The following IPO9 variants were observed in gnomAD, a reference collection of about 807,000 sequenced individuals.
IPO9 encodes importin 9.
Under a neutral mutation model 128.6 loss-of-function variants are expected in IPO9, and 28 were observed. That is an observed-to-expected ratio of 0.22 (90% CI 0.16 to 0.30). IPO9 has a LOEUF of 0.30. Among genes scored for constraint, IPO9 ranks in the 10% least tolerant of loss-of-function variants. The probability of loss-of-function intolerance (pLI) is 1.00; values close to 1 mark genes in which losing one functional copy is unlikely to be tolerated. For missense variants in IPO9, 935 were observed against 1,293.9 expected, an observed-to-expected ratio of 0.72 and a Z score of 4.26; for synonymous variants, 455 against 475.8, an observed-to-expected ratio of 0.96 and a Z score of 0.57.
Position 201,875,255 on chromosome 1 carries a change from A to T in IPO9, c.3015+27A>T, listed in dbSNP as rs116681957. ...TGAGGGTGTCCAGAGATATCTTGCA[A>T]ATGACAATGTCCCAGGCCATGGAAA... On this transcript the variant is annotated intron_variant, in intron 23 of 23. Coordinates refer to ENST00000361565, the MANE Select transcript of IPO9 (RefSeq NM_018085.5). 5.3e-4 allele frequency: 832 copies of T among 1,582,310 alleles called. 2 individuals are homozygous for T. In the African/African-American group the frequency reaches 9.4e-3, roughly 18 times the overall value.
intron 16 of IPO9, among the ~76,000 whole-genome samples, chr1:201,869,157 A>T (rs528006241): frequency 3.3e-5 from 5 of 152,206 alleles, no homozygotes; most frequent in Non-Finnish European, 7.3e-5. Flanking sequence ...AGGCTGAGGC[A>T]GGAGAATCAC....
intron 21 of IPO9, among the ~76,000 whole-genome samples, 183 bp from the exon 22 acceptor site, chr1:201,874,649 T>C (rs563643744): frequency 1.2e-3 from 187 of 152,310 alleles, no homozygotes; most frequent in African/African-American, 4.4e-3. Flanking sequence ...TCAACACTTA[T>C]ATCTCCAGGT....
In IPO9 at chr1:201,876,250, A is replaced by G. The variant is rs1214464405; in HGVS notation, c.*196A>G. 3 of 698,396 alleles carry G rather than the reference A, an allele frequency of 4.3e-6. No individual in the cohort carries two copies. Among genetic ancestry groups the G allele is most frequent in the Non-Finnish European group, 8.1e-6 (3 of 372,566 alleles). 43.3% of individuals were successfully genotyped at this position (698,396 alleles called of 1,614,324 possible). The stretch of plus-strand genomic sequence containing the variant: ...TCACTTAGGAATGCTGGAACAAAGG[A>G]CATTTCTCAAAGTTCCCCTGAAGAC... On this transcript the variant is annotated 3_prime_UTR_variant, in exon 24 of 24. Transcript: ENST00000361565.
Position 201,876,211 on chromosome 1 carries a change from G to A in IPO9, c.*157G>A. The stretch of plus-strand genomic sequence containing the variant: ...TGACACTGATGACAATTCAGACCAG[G>A]CTCACCGGTGCCGTCACTTAGGAAT... On this transcript the variant is annotated 3_prime_UTR_variant, in exon 24 of 24. Coordinates refer to ENST00000361565, the MANE Select transcript of IPO9 (RefSeq NM_018085.5). 1.4e-6 allele frequency: 1 copy of A among 734,474 alleles called. No homozygotes were observed. The highest frequency in any genetic ancestry group is 2.5e-6 in the Non-Finnish European group (1 of 393,566). 45.5% of individuals were successfully genotyped at this position (734,474 alleles called of 1,614,324 possible). A position where few individuals can be genotyped will look rare whatever the true frequency, so the allele number is the denominator to read the frequency against.
At chr1:201,845,515 ACTG>A (rs1438853829) in intron 1 of IPO9, among the ~76,000 whole-genome samples, 1 of 152,146 alleles carries the variant, frequency 6.6e-6, no homozygotes, top group Non-Finnish European at 1.5e-5. Context: ...AGTCTAGAAA[ACTG>A]CTGTTCATTC....
chr1:201,874,906 T>C lies in IPO9; in HGVS notation c.2908T>C (p.Leu970=), dbSNP rs1239381406. 6.2e-7 allele frequency: 1 copy of C among 1,613,006 alleles called. No individual in the cohort carries two copies. Among genetic ancestry groups the C allele is most frequent in the African/African-American group, 1.3e-5 (1 of 75,014 alleles). Residue 970 remains leucine, a synonymous_variant, in exon 22 of 24, where the codon TTA becomes CTA. Transcript: ENST00000361565. ...EEEDGLAGQL[L]SDILATSKYE... is the part of the protein sequence containing the mutation. ...GGAGGATGGTTTAGCTGGCCAACTT[T>C]TATCTGACATTCTTGCTACAAGTAA...
At chr1:201,853,158 A>G (rs1680256599) in intron 6 of IPO9, 61 bp downstream of exon 6, 1 of 1,330,024 alleles carries the variant, frequency 7.5e-7, no homozygotes, top group African/African-American at 1.4e-5. Context: ...CATGCAGAGC[A>G]GTGAGTCATT....
At chr1:201,832,886 G>GA (rs1245391647) in intron 1 of IPO9, among the ~76,000 whole-genome samples, 1 of 152,204 alleles carries the variant, frequency 6.6e-6, no homozygotes, top group African/African-American at 2.4e-5. Flanking sequence ...AATTTATGGG[G>GA]AAAGGACACA....
intron 1 of IPO9, among the ~76,000 whole-genome samples, chr1:201,833,010 C>A (rs1453545227): frequency 6.6e-6 from 1 of 152,170 alleles, no homozygotes; most frequent in Non-Finnish European, 1.5e-5. Flanking sequence ...ATAAAGATTG[C>A]TGGAGCCTAG....
chr1:201,867,947 G>A (rs1680585271), intron 15 of IPO9, among the ~76,000 whole-genome samples: 2 of 152,068 alleles, frequency 1.3e-5, no homozygotes, highest in African/African-American at 2.4e-5. Flanking sequence ...CATAAAATGG[G>A]TATATCATAA....
chr1:201,856,233 A>G (rs1571547875), intron 10 of IPO9, among the ~76,000 whole-genome samples: 1 of 151,536 alleles, frequency 6.6e-6, no homozygotes, highest in East Asian at 1.9e-4. Context: ...GGCCTCTCAA[A>G]GTGCTGGGAT....
intron 1 of IPO9, among the ~76,000 whole-genome samples, chr1:201,837,771 C>T (rs1679965166): frequency 6.6e-6 from 1 of 152,164 alleles, no homozygotes; most frequent in African/African-American, 2.4e-5. Flanking sequence ...TTAAATCATG[C>T]CTTAAAAGAA....
Position 201,878,889 on chromosome 1 carries a change from T to A in IPO9, c.*2835T>A, listed in dbSNP as rs1680829637. ...TGGCCAAAGAGAACTAGCTTCAGTC[T>A]GAAAAGGGCAGGGCTAAGTGGTTAC... is the stretch of plus-strand genomic sequence containing the variant. On this transcript the variant is annotated 3_prime_UTR_variant, in exon 24 of 24. Coordinates refer to ENST00000361565, the MANE Select transcript of IPO9 (RefSeq NM_018085.5). 1 of 152,130 alleles carries A rather than the reference T, an allele frequency of 6.6e-6. No individual in the cohort carries two copies. The highest frequency in any genetic ancestry group is 1.5e-5 in the Non-Finnish European group (1 of 68,020). 9.4% of individuals were successfully genotyped at this position (152,130 alleles called of 1,614,324 possible).
chr1:201,838,132 A>T (rs575030619), intron 1 of IPO9, among the ~76,000 whole-genome samples: 3 of 152,340 alleles, frequency 2.0e-5, no homozygotes, highest in South Asian at 2.1e-4. Flanking sequence ...CTTGTAGATT[A>T]TTGTGAAGGA....
chr1:201,832,718 C>G (rs1172499315), intron 1 of IPO9, among the ~76,000 whole-genome samples: 1 of 152,220 alleles, frequency 6.6e-6, no homozygotes, highest in African/African-American at 2.4e-5. Flanking sequence ...AATAACCACA[C>G]TGTCTTTGTG....
intron 1 of IPO9, among the ~76,000 whole-genome samples, chr1:201,845,654 C>T (rs1043957458): frequency 3.9e-5 from 6 of 152,134 alleles, no homozygotes; most frequent in African/African-American, 1.4e-4. Context: ...ATTCATTTAA[C>T]CTGATATAGA....
chr1:201,839,582 A>AAAAT (rs1558215975), intron 1 of IPO9, among the ~76,000 whole-genome samples: 1 of 151,272 alleles, frequency 6.6e-6, no homozygotes, highest in African/African-American at 2.4e-5. Context: ...AAAAAAAAAA[A>AAAAT]AAGTGCTGCT....
chr1:201,857,323 T>C, intron 11 of IPO9, 129 bp downstream of exon 11: 1 of 637,352 alleles, frequency 1.6e-6, no homozygotes, highest in Non-Finnish European at 2.8e-6. Context: ...TTATTGGGGA[T>C]GCAAGAGAGT....
At chr1:201,831,229 C>T (rs1679827161) in intron 1 of IPO9, among the ~76,000 whole-genome samples, 1 of 152,148 alleles carries the variant, frequency 6.6e-6, no homozygotes, top group South Asian at 2.1e-4. Flanking sequence ...ATCTAAGTCA[C>T]TGATGAGAAA....
Sources: gnomAD v4.1 joint callset for allele counts (sites outside exome capture counted in the v4.1 genomes callset) on GRCh38, gnomAD v4.1.1 for gene constraint, MANE v1.5 for transcripts, NCBI Gene and HGNC (gene_info 2026-07-23, HGNC 2026-07-21) for gene names.